Variants in CIB4 observed in about 807,000 individuals in gnomAD.
The protein encoded by CIB4 is calcium and integrin binding family member 4, also known as calcium and integrin-binding family member 4.
In CIB4, 25 loss-of-function variants were observed where a neutral mutation model predicts 25.8. The observed-to-expected ratio is 0.97, with a 90% CI of 0.71 to 1.35. The LOEUF (loss-of-function observed/expected upper bound fraction) is 1.35, where lower values mean the gene tolerates loss of function less well. Ranked by LOEUF, CIB4 falls within the 40% of genes most tolerant of loss-of-function variation. The pLI, the probability that CIB4 is intolerant of heterozygous loss-of-function variation, is 0.00. For missense variants in CIB4, 235 were observed against 228.2 expected, an observed-to-expected ratio of 1.03 and a Z score of -0.19; for synonymous variants, 75 against 81.4, an observed-to-expected ratio of 0.92 and a Z score of 0.42.
intron 3 of CIB4, among the ~76,000 whole-genome samples, chr2:26,604,755 A>T (rs1668856665): frequency 6.6e-6 from 1 of 152,208 alleles, no homozygotes; most frequent in South Asian, 2.1e-4. Context: ...TAGAAATCAT[A>T]AGTAGGTGAG....
chr2:26,584,821 G>A (rs968552681), intron 4 of CIB4, among the ~76,000 whole-genome samples: 1 of 152,168 alleles, frequency 6.6e-6, no homozygotes, highest in African/African-American at 2.4e-5. Flanking sequence ...TGGGGTGGGT[G>A]GCAGTGGGGG....
intron 2 of CIB4, among the ~76,000 whole-genome samples, chr2:26,630,899 C>T (rs1447319615): frequency 6.6e-6 from 1 of 152,124 alleles, no homozygotes; most frequent in African/African-American, 2.4e-5. Flanking sequence ...CTGTGCACAA[C>T]CCACACCTAG....
At position 26,627,756 on chromosome 2, in the gene CIB4, AC is replaced by A. The variant is rs1669336220; in HGVS notation, c.186+1653del. On this transcript the variant is annotated intron_variant, in intron 3 of 6. Transcript: ENST00000288861. This position sits in a 1 kb window ranked among gnomAD's most constrained non-coding sequence, Gnocchi z 4.0. ...ATCCCAGCTTCTCCCAGCTACCCCC[AC>A]CCACCTACCCACCCCTCACCCTTTC... 6.7e-6 allele frequency among the ~76,000 whole-genome samples: 1 copy of A among 148,150 alleles called. No individual in the cohort carries two copies. The highest frequency in any genetic ancestry group is 2.5e-5 in the African/African-American group (1 of 40,310).
intron 3 of CIB4, among the ~76,000 whole-genome samples, chr2:26,619,346 C>A (rs1033179397): frequency 3.9e-5 from 6 of 152,256 alleles, no homozygotes; most frequent in Middle Eastern, 3.4e-3. Flanking sequence ...CTCAGGACAC[C>A]AGCCTCATGG....
In CIB4 at chr2:26,641,237, G is replaced by T; in HGVS notation, c.54+24C>A. The T allele has an allele frequency of 2.5e-6, 4 of 1,598,632 alleles. 1 individual carries two copies. Among genetic ancestry groups the T allele is most frequent in the South Asian group, 2.2e-5 (2 of 90,780 alleles). Reference sequence around the variant, plus strand: ...TTTAGGAAGCTCCCACCTCTGCCCAGAGTCCCTAGCCCGATCTACCCACCT... The same window carrying T: ...TTTAGGAAGCTCCCACCTCTGCCCATAGTCCCTAGCCCGATCTACCCACCT... On this transcript the variant is annotated intron_variant, in intron 1 of 6. Transcript: ENST00000288861.
At chr2:26,590,694 C>T (rs556626692) in intron 4 of CIB4, among the ~76,000 whole-genome samples, 3 of 152,340 alleles carry the variant, frequency 2.0e-5, no homozygotes, top group Admixed American at 2.0e-4. Flanking sequence ...TGTAAAGAAA[C>T]CTTCCGAGCC....
Position 26,617,520 on chromosome 2 carries a change from G to A in CIB4, c.186+11890C>T, listed in dbSNP as rs148872445. ...CAGAGCTGCTGTGAGGATCAAACTA[G>A]GTAGACTGTGAAAGTGCTTGCAACC... On this transcript the variant is annotated intron_variant, in intron 3 of 6. Coordinates refer to ENST00000288861, the MANE Select transcript of CIB4 (RefSeq NM_001029881.3). Among the ~76,000 whole-genome samples, 465 of 152,276 alleles carry A rather than the reference G, an allele frequency of 3.1e-3. 2 individuals are homozygous for A. The highest frequency in any genetic ancestry group is 5.0e-3 in the Non-Finnish European group (341 of 68,014).
At chr2:26,605,112 A>G (rs538728764) in intron 3 of CIB4, among the ~76,000 whole-genome samples, 29 of 152,242 alleles carry the variant, frequency 1.9e-4, no homozygotes, top group Non-Finnish European at 3.1e-4. Context: ...TTAGAAATCA[A>G]TAATAAAAAG....
At position 26,589,080 on chromosome 2, in the gene CIB4, CTTCTTCT is replaced by C. The variant is rs1558554961; in HGVS notation, c.329-5189_329-5183del. On this transcript the variant is annotated intron_variant, in intron 4 of 6. Coordinates refer to ENST00000288861, the MANE Select transcript of CIB4 (RefSeq NM_001029881.3). The stretch of plus-strand genomic sequence containing the variant: ...TCTTCCTCTTCCTCTTCCTCTTCTT[CTTCTTCT>C]TCTTCTTCTTCTTCTTCTTCCTCTT... Among the ~76,000 whole-genome samples the C allele has an allele frequency of 3.6e-4, 31 of 86,380 alleles. 1 individual carries two copies. Among genetic ancestry groups the C allele is most frequent in the African/African-American group, 1.8e-3 (26 of 14,610 alleles). 56.7% of individuals were successfully genotyped at this position (86,380 alleles called of 152,430 possible). A position where few individuals can be genotyped will look rare whatever the true frequency, so the allele number is the denominator to read the frequency against.
At position 26,614,342 on chromosome 2, in the gene CIB4, C is replaced by T. The variant is rs527382517; in HGVS notation, c.186+15068G>A. Among the ~76,000 whole-genome samples, 9 of 152,270 alleles carry T rather than the reference C, an allele frequency of 5.9e-5. No homozygotes were observed. In the South Asian group the frequency reaches 1.9e-3, roughly 32 times the overall value. ...GACTGTGGCCGAGGGACTGGATGAG[C>T]ATGTCCCCAGGCCCACCGGCCCCTT... On this transcript the variant is annotated intron_variant, in intron 3 of 6. Transcript: ENST00000288861.
chr2:26,631,196 C>T (rs777629060), intron 2 of CIB4, among the ~76,000 whole-genome samples: 2 of 152,086 alleles, frequency 1.3e-5, no homozygotes, highest in African/African-American at 2.4e-5. Context: ...AAGTGAAGAC[C>T]GGGTGCGGCG....
At position 26,595,359 on chromosome 2, in the gene CIB4, C is replaced by T. The variant is rs376597248; in HGVS notation, c.187-42G>A. Reference sequence around the variant, plus strand: ...GAGCAGGGAGGAGGTCTATCAGGGTCGGGGCTGTGTCTCCCTGGGTCTCTC... The same window carrying T: ...GAGCAGGGAGGAGGTCTATCAGGGTTGGGGCTGTGTCTCCCTGGGTCTCTC... On this transcript the variant is annotated intron_variant, in intron 3 of 6. Transcript: ENST00000288861. 1.5e-5 allele frequency: 24 copies of T among 1,593,858 alleles called. 1 individual carries two copies. The highest frequency in any genetic ancestry group is 6.7e-5 in the African/African-American group (5 of 74,596).
At chr2:26,582,154 G>C (rs542322549) in intron 6 of CIB4, among the ~76,000 whole-genome samples, 5 of 152,322 alleles carry the variant, frequency 3.3e-5, no homozygotes, top group African/African-American at 1.2e-4. Context: ...AAAGCACCTT[G>C]AGTGGGCATA....
chr2:26,639,339 C>T (rs1669592953), intron 2 of CIB4, among the ~76,000 whole-genome samples: 1 of 152,022 alleles, frequency 6.6e-6, no homozygotes, highest in African/African-American at 2.4e-5. Context: ...CATGCTATCC[C>T]TCCCCTAGAC....
chr2:26,628,516 C>G (rs919909743), intron 3 of CIB4, among the ~76,000 whole-genome samples: 2 of 152,182 alleles, frequency 1.3e-5, no homozygotes, highest in African/African-American at 4.8e-5. Flanking sequence ...AGATTCAGCC[C>G]AGGACAAGTT....
intron 2 of CIB4, among the ~76,000 whole-genome samples, chr2:26,632,375 A>C (rs1319300287): frequency 6.6e-6 from 1 of 152,190 alleles, no homozygotes; most frequent in Non-Finnish European, 1.5e-5. Flanking sequence ...GAGATTCTCC[A>C]GGAAAGTACT....
rs192460664 is a variant in CIB4 at position 26,633,409 on chromosome 2, G to C, written c.90-3903C>G. ...TAAGGTTATACAGCTGGGAAGAGAC[G>C]GAGTGGAGGGCTGAACCCTAAACCA... On this transcript the variant is annotated intron_variant, in intron 2 of 6. Transcript: ENST00000288861. 1.6e-3 allele frequency among the ~76,000 whole-genome samples: 251 copies of C among 152,286 alleles called. 2 individuals carry two copies. Among genetic ancestry groups the C allele is most frequent in the African/African-American group, 5.7e-3 (237 of 41,554 alleles).
chr2:26,621,401 C>T (rs986885300), intron 3 of CIB4, among the ~76,000 whole-genome samples: 1 of 152,114 alleles, frequency 6.6e-6, no homozygotes, highest in Non-Finnish European at 1.5e-5. Context: ...ACAATTCCAT[C>T]TAAACTCTCA....
intron 3 of CIB4, among the ~76,000 whole-genome samples, chr2:26,607,127 G>A (rs907921127): frequency 1.6e-4 from 24 of 152,176 alleles, no homozygotes; most frequent in Admixed American, 9.2e-4. Context: ...CAGGCCTGAG[G>A]TTTTGGGGGC....
Sources: gnomAD v4.1 joint callset for allele counts (sites outside exome capture counted in the v4.1 genomes callset) on GRCh38, gnomAD v4.1.1 for gene constraint, Gnocchi (gnomAD v3.1) non-coding constraint, MANE v1.5 for transcripts, NCBI Gene and HGNC (gene_info 2026-07-23, HGNC 2026-07-21) for gene names.